APBA2: variants seen among roughly 807,000 people sequenced by gnomAD.
APBA2 encodes the protein amyloid beta precursor protein binding family A member 2.
Under a neutral mutation model 75.0 loss-of-function variants are expected in APBA2, and 30 were observed. That is an observed-to-expected ratio of 0.40 (90% CI 0.30 to 0.54). APBA2 has a LOEUF of 0.54. APBA2 is among the 20% of genes least tolerant of loss of function. The pLI, the probability that APBA2 is intolerant of heterozygous loss-of-function variation, is 0.49. For synonymous variants in APBA2, 444 were observed against 409.6 expected, an observed-to-expected ratio of 1.08 and a Z score of -1.01; for missense variants, 801 against 1,016.1, an observed-to-expected ratio of 0.79 and a Z score of 2.88.
rs374663577 is a variant in APBA2 at position 28,969,180 on chromosome 15, C to G, written c.-94-26573C>G. Among the ~76,000 whole-genome samples the G allele has an allele frequency of 3.8e-5, 5 of 130,938 alleles. No individual in the cohort carries two copies. In the Admixed American group the frequency reaches 4.0e-4, roughly 10 times the overall value. 85.9% of individuals were successfully genotyped at this position (130,938 alleles called of 152,430 possible). On this transcript the variant is annotated intron_variant, in intron 2 of 14. Transcript: ENST00000683413. ...TCTTTCTTTCTTTCTTTCTTTCTTTCTTTTTTTTATTTTTTATTTTTGAGA... is the reference window on the plus strand; with the variant it reads ...TCTTTCTTTCTTTCTTTCTTTCTTTGTTTTTTTTATTTTTTATTTTTGAGA...
chr15:29,045,709 A>G (rs1419077085), intron 3 of APBA2, among the ~76,000 whole-genome samples: 1 of 152,206 alleles, frequency 6.6e-6, no homozygotes, highest in Non-Finnish European at 1.5e-5. Context: ...GACTGGAAAG[A>G]AAGAAACCAC....
rs982836014 is a variant in APBA2, at chr15:29,053,935, G to C, written c.51G>C (p.Arg17Ser). Residue 17 changes from arginine (R) to serine (S), a missense_variant, in exon 4 of 15, where the codon AGG becomes AGC. By Grantham distance (110) the Arg-to-Ser change is moderately radical (BLOSUM62 -1). Transcript: ENST00000683413. ...ESVGSGMLDH[R>S]VRPGPVPHSQ... ...TGGGGAGCGGCATGTTGGACCATAGGGTGAGACCAGGTCCTGTCCCTCACA... is the reference window on the plus strand; with the variant it reads ...TGGGGAGCGGCATGTTGGACCATAGCGTGAGACCAGGTCCTGTCCCTCACA... 1.9e-6 allele frequency: 3 copies of C among 1,613,938 alleles called. No individual in the cohort carries two copies. Among genetic ancestry groups the C allele is most frequent in the Admixed American group, 1.7e-5 (1 of 59,996 alleles).
intron 2 of APBA2, among the ~76,000 whole-genome samples, chr15:28,942,422 G>C (rs1324996217): frequency 6.7e-6 from 1 of 148,152 alleles, no homozygotes; most frequent in Non-Finnish European, 1.5e-5. Flanking sequence ...TTCCCATAAG[G>C]AACTGTGTTG....
intron 2 of APBA2, among the ~76,000 whole-genome samples, chr15:28,961,134 G>C (rs1469880393): frequency 6.6e-6 from 1 of 152,308 alleles, no homozygotes; most frequent in African/African-American, 2.4e-5. Flanking sequence ...TTTGCTTACT[G>C]TTAAGTTCAT....
chr15:28,988,107 C>T (rs559674795), intron 2 of APBA2, among the ~76,000 whole-genome samples: 1 of 152,250 alleles, frequency 6.6e-6, no homozygotes, highest in East Asian at 1.9e-4. Context: ...GAGCCCCTCC[C>T]CAGTTGCATC....
chr15:28,939,413 A>G (rs748650063), intron 2 of APBA2, among the ~76,000 whole-genome samples: 9 of 152,220 alleles, frequency 5.9e-5, no homozygotes, highest in Non-Finnish European at 1.0e-4. Context: ...TCTTTTTAAA[A>G]TTTTTTGAAG....
At chr15:28,926,710 T>G (rs1259770209) in intron 2 of APBA2, among the ~76,000 whole-genome samples, 1 of 152,114 alleles carries the variant, frequency 6.6e-6, no homozygotes, top group Non-Finnish European at 1.5e-5. Context: ...GGGTATATAT[T>G]GCCAGTAATG....
chr15:28,989,735 G>A (rs1205206173), intron 2 of APBA2, among the ~76,000 whole-genome samples: 1 of 152,196 alleles, frequency 6.6e-6, no homozygotes, highest in Non-Finnish European at 1.5e-5. Context: ...AGCAGAGGCG[G>A]CCTTGGCGGG....
Position 29,077,392 on chromosome 15 carries a change from T to TC in APBA2, c.1069+1303dup, listed in dbSNP as rs146927093. On this transcript the variant is annotated intron_variant, in intron 6 of 14. Coordinates refer to ENST00000683413, the MANE Select transcript of APBA2 (RefSeq NM_001353788.2). The stretch of plus-strand genomic sequence containing the variant: ...CACACTGCTCCAGTGAGGCAGGGTC[T>TC]CCTGGATCCAAGAAGCTCACTTGTC... Among the ~76,000 whole-genome samples, 1,183 of 152,304 alleles carry TC rather than the reference T, an allele frequency of 7.8e-3. 21 individuals are homozygous for TC. Among genetic ancestry groups the TC allele is most frequent in the African/African-American group, 0.027 (1,123 of 41,572 alleles).
At chr15:28,890,617 A>G (rs2032069967) in intron 1 of APBA2, among the ~76,000 whole-genome samples, 1 of 152,118 alleles carries the variant, frequency 6.6e-6, no homozygotes, top group Admixed American at 6.6e-5. Context: ...GGGAGGTTGG[A>G]AAAGAGGATG....
At chr15:28,904,079 A>C (rs1331546788) in intron 1 of APBA2, among the ~76,000 whole-genome samples, 1 of 152,240 alleles carries the variant, frequency 6.6e-6, no homozygotes, top group Non-Finnish European at 1.5e-5. Context: ...TTGGCAAGAG[A>C]GAACACTTTT....
intron 1 of APBA2, among the ~76,000 whole-genome samples, chr15:28,902,185 G>A (rs944439109): frequency 6.6e-6 from 1 of 152,030 alleles, no homozygotes; most frequent in Non-Finnish European, 1.5e-5. Flanking sequence ...AACACACACC[G>A]CCTCAGCCTG....
In APBA2 at chr15:28,900,086, C is replaced by T. The variant is rs531950412; in HGVS notation, c.-205+13808C>T. ...CTAGGTGAGGAGTTGGAGCCCCAGA[C>T]AGGGGGACTGGGCCGTGGTCACGGG... On this transcript the variant is annotated intron_variant, in intron 1 of 14. Transcript: ENST00000683413. 6.6e-4 allele frequency among the ~76,000 whole-genome samples: 100 copies of T among 152,256 alleles called. 2 individuals are homozygous for T. The South Asian group carries it at 0.02, about 30-fold the overall frequency.
At chr15:28,945,315 G>C (rs945612302) in intron 2 of APBA2, among the ~76,000 whole-genome samples, 3 of 152,136 alleles carry the variant, frequency 2.0e-5, no homozygotes, top group African/African-American at 7.2e-5. Context: ...ACAGTTGTTC[G>C]TGTTTGAAAT....
At position 29,076,072 on chromosome 15, in the gene APBA2, A is replaced by G; in HGVS notation, c.1050A>G (p.Ser350=). ...CCTAACAGACAAAGAAGGTGGCATC[A>G]TTTCCAAGTTTTGTGGCTGGTAAGT... The part of the protein sequence containing the change: ...NNIPETKKVA[S]FPSFVAVPGP... Residue 350 remains serine (S), a synonymous_variant, in exon 6 of 15, where the codon TCA becomes TCG. Transcript: ENST00000683413. The G allele has an allele frequency of 1.2e-6, 2 of 1,614,180 alleles. No individual in the cohort carries two copies. The highest frequency in any genetic ancestry group is 1.7e-6 in the Non-Finnish European group (2 of 1,180,018).
At chr15:28,955,790 C>T (rs983410897) in intron 2 of APBA2, among the ~76,000 whole-genome samples, 2 of 152,234 alleles carry the variant, frequency 1.3e-5, no homozygotes, top group African/African-American at 4.8e-5. Flanking sequence ...TGGTGGGTTC[C>T]CTGAGGGTCG....
At chr15:28,897,066 C>G (rs1235667517) in intron 1 of APBA2, among the ~76,000 whole-genome samples, 1 of 152,112 alleles carries the variant, frequency 6.6e-6, no homozygotes, top group African/African-American at 2.4e-5. Context: ...AACTAGGCCT[C>G]CATCTGCCAG....
At chr15:28,932,957 G>A (rs894074598) in intron 2 of APBA2, among the ~76,000 whole-genome samples, 1 of 152,082 alleles carries the variant, frequency 6.6e-6, no homozygotes, top group African/African-American at 2.4e-5. Flanking sequence ...AGTTCTAGGG[G>A]CTGGGAAGTC....
Position 28,885,977 on chromosome 15 carries a change from G to A in APBA2, c.-506G>A, listed in dbSNP as rs2031679542. 6.6e-6 allele frequency: 1 copy of A among 151,384 alleles called. No individual in the cohort carries two copies. Among genetic ancestry groups the A allele is most frequent in the African/African-American group, 2.4e-5 (1 of 41,336 alleles). The allele number at this position is 151,384 out of a possible 1,614,324, so 9.4% of individuals were successfully genotyped here. A position where few individuals can be genotyped will look rare whatever the true frequency, so the allele number is the denominator to read the frequency against. ...CCGGGAATCGTTTTCCGGCCCCAGTGTGCCCGGCGCGGGTGAGGCGGAAGC... is the reference window on the plus strand; with the variant it reads ...CCGGGAATCGTTTTCCGGCCCCAGTATGCCCGGCGCGGGTGAGGCGGAAGC... On this transcript the variant is annotated 5_prime_UTR_variant, in exon 1 of 15. The change creates a new upstream start codon in the 5' untranslated region. Coordinates refer to ENST00000683413, the MANE Select transcript of APBA2 (RefSeq NM_001353788.2).
Sources: allele counts gnomAD v4.1 joint callset (sites outside exome capture counted in the v4.1 genomes callset), GRCh38; gene constraint gnomAD v4.1.1; transcripts MANE v1.5; gene names NCBI Gene and HGNC (gene_info 2026-07-23, HGNC 2026-07-21).